TNIK: variants seen among roughly 807,000 people sequenced by gnomAD.
The protein encoded by TNIK is TRAF2 and NCK interacting kinase.
TNIK carries 49 observed loss-of-function variants against 191.3 expected under a neutral mutation model. That is an observed-to-expected ratio of 0.26 (90% CI 0.20 to 0.32). TNIK has a LOEUF of 0.32. TNIK is among the 10% of genes least tolerant of loss of function. TNIK has a pLI of 1.00. For missense variants in TNIK, 1,155 were observed against 1,702.3 expected, an observed-to-expected ratio of 0.68 and a Z score of 5.66; for synonymous variants, 594 against 600.9, an observed-to-expected ratio of 0.99 and a Z score of 0.17.
At chr3:171,263,490 T>C (rs1267142100) in intron 2 of TNIK, among the ~76,000 whole-genome samples, 2 of 152,150 alleles carry the variant, frequency 1.3e-5, no homozygotes, top group African/African-American at 4.8e-5. Flanking sequence ...GTTTTCAAAT[T>C]TCAATGATGT....
At chr3:171,390,924 A>T (rs1330244290) in intron 1 of TNIK, among the ~76,000 whole-genome samples, 1 of 152,226 alleles carries the variant, frequency 6.6e-6, no homozygotes, top group East Asian at 1.9e-4. Flanking sequence ...AACACTGATC[A>T]TCTGAAAGGA....
chr3:171,118,048 G>A (rs1397361516), intron 18 of TNIK, among the ~76,000 whole-genome samples: 6 of 152,156 alleles, frequency 3.9e-5, no homozygotes, highest in African/African-American at 9.7e-5. Flanking sequence ...AAGCCCCATC[G>A]TCTCAGCCCC....
intron 2 of TNIK, among the ~76,000 whole-genome samples, chr3:171,251,569 T>C (rs1746230088): frequency 6.6e-6 from 1 of 152,230 alleles, no homozygotes; most frequent in African/African-American, 2.4e-5. Context: ...ACATTTTTCA[T>C]CTAACTTAGA....
chr3:171,412,872 T>C (rs1216857395), intron 1 of TNIK, among the ~76,000 whole-genome samples: 8 of 152,198 alleles, frequency 5.3e-5, no homozygotes, highest in Admixed American at 5.2e-4. Flanking sequence ...TGGTAACTAT[T>C]TTTTTGTTAT....
intron 2 of TNIK, among the ~76,000 whole-genome samples, chr3:171,325,499 C>T (rs1390227853): frequency 1.3e-5 from 2 of 152,102 alleles, no homozygotes; most frequent in African/African-American, 2.4e-5. Flanking sequence ...ATGGAACATA[C>T]TTATAATGAG....
chr3:171,149,154 A>C (rs1392447544), intron 12 of TNIK, among the ~76,000 whole-genome samples: 1 of 152,050 alleles, frequency 6.6e-6, no homozygotes, highest in Non-Finnish European at 1.5e-5. Context: ...ATAACTAAGA[A>C]GACTGTGAAC....
Position 171,369,151 on chromosome 3 carries a change from C to T in TNIK, c.123+469G>A, listed in dbSNP as rs143343588. Among the ~76,000 whole-genome samples, 10 of 152,262 alleles carry T rather than the reference C, an allele frequency of 6.6e-5. No individual in the cohort carries two copies. The East Asian group carries it at 1.7e-3, about 26-fold the overall frequency. Reference sequence around the variant, plus strand: ...AATTATTTCCTAAAATTCGTCGCTGCTATTAAGCTTTTGCTTTGTGAGGTA... The same window carrying T: ...AATTATTTCCTAAAATTCGTCGCTGTTATTAAGCTTTTGCTTTGTGAGGTA... On this transcript the variant is annotated intron_variant, in intron 2 of 32. Transcript: ENST00000436636.
chr3:171,241,848 T>C (rs1324179646), intron 2 of TNIK, among the ~76,000 whole-genome samples: 1 of 152,150 alleles, frequency 6.6e-6, no homozygotes, highest in Non-Finnish European at 1.5e-5. Flanking sequence ...TAAAAAAGGA[T>C]GAGTTCAAGT....
chr3:171,268,506 C>G (rs1748675528), intron 2 of TNIK, among the ~76,000 whole-genome samples: 1 of 152,086 alleles, frequency 6.6e-6, no homozygotes, highest in Admixed American at 6.6e-5. Context: ...GAACCCTGTT[C>G]TATACTAAGG....
In TNIK at chr3:171,354,365, AC is replaced by A. The variant is rs200141539; in HGVS notation, c.123+15254del. The stretch of plus-strand genomic sequence containing the variant: ...CACAGACTCACACTGAAATTAGAGC[AC>A]CTGAGCTGGTCCACTACCTGAGCCG... On this transcript the variant is annotated intron_variant, in intron 2 of 32. Transcript: ENST00000436636. Among the ~76,000 whole-genome samples, 397 of 152,244 alleles carry A rather than the reference AC, an allele frequency of 2.6e-3. 7 individuals carry two copies. The East Asian group carries it at 0.045, about 17-fold the overall frequency.
intron 1 of TNIK, among the ~76,000 whole-genome samples, chr3:171,384,746 TA>T (rs1718508674): frequency 6.6e-6 from 1 of 152,174 alleles, no homozygotes. Flanking sequence ...AAAAATAGAT[TA>T]AAATACATGA....
chr3:171,099,613 C>T (rs1256297682), intron 22 of TNIK, among the ~76,000 whole-genome samples: 1 of 152,028 alleles, frequency 6.6e-6, no homozygotes, highest in Non-Finnish European at 1.5e-5. Flanking sequence ...ACAAACAATC[C>T]TGATTCAAGG....
At chr3:171,258,563 G>A (rs757389715) in intron 2 of TNIK, among the ~76,000 whole-genome samples, 6 of 152,104 alleles carry the variant, frequency 3.9e-5, no homozygotes, top group Non-Finnish European at 8.8e-5. Context: ...AGGAACCCAC[G>A]AGACCAGTAA....
chr3:171,288,095 A>T (rs1363961250), intron 2 of TNIK, among the ~76,000 whole-genome samples: 1 of 143,480 alleles, frequency 7.0e-6, no homozygotes, highest in Non-Finnish European at 1.5e-5. Flanking sequence ...ACATATTCTC[A>T]CTCATAGGTG....
At chr3:171,299,946 G>A (rs1213766508) in intron 2 of TNIK, among the ~76,000 whole-genome samples, 1 of 152,212 alleles carries the variant, frequency 6.6e-6, no homozygotes, top group Non-Finnish European at 1.5e-5. Flanking sequence ...TCACAGGGAT[G>A]AATGATATCT....
intron 2 of TNIK, among the ~76,000 whole-genome samples, chr3:171,352,191 C>T (rs1222128048): frequency 6.6e-6 from 1 of 152,188 alleles, no homozygotes; most frequent in Non-Finnish European, 1.5e-5. Context: ...CAAAATTGGG[C>T]TTCAAAGAGA....
chr3:171,385,587 A>G (rs913310611), intron 1 of TNIK, among the ~76,000 whole-genome samples: 1 of 152,192 alleles, frequency 6.6e-6, no homozygotes, highest in Non-Finnish European at 1.5e-5. Flanking sequence ...TGACACAGTC[A>G]AGCGGAGCTG....
At chr3:171,280,479 T>A (rs1750301675) in intron 2 of TNIK, among the ~76,000 whole-genome samples, 1 of 152,180 alleles carries the variant, frequency 6.6e-6, no homozygotes, top group Non-Finnish European at 1.5e-5. Flanking sequence ...CATAGTGTGA[T>A]GTAAGGAAAT....
At chr3:171,104,655 TTATTCAAATAAA>T (rs1167221008) in intron 21 of TNIK, among the ~76,000 whole-genome samples, 2 of 152,164 alleles carry the variant, frequency 1.3e-5, no homozygotes, top group East Asian at 1.9e-4. Flanking sequence ...ACAATATAGT[TTATTCAAATAAA>T]TATTAGTTCA....
Sources: allele counts gnomAD v4.1 joint callset (sites outside exome capture counted in the v4.1 genomes callset), GRCh38; gene constraint gnomAD v4.1.1; transcripts MANE v1.5; gene names NCBI Gene and HGNC (gene_info 2026-07-23, HGNC 2026-07-21).